NTRK2: variants seen among roughly 807,000 people sequenced by gnomAD.
NTRK2 encodes the protein BDNF/NT-3 growth factors receptor.
A neutral mutation model predicts 94.5 loss-of-function variants in NTRK2; 13 were observed. The ratio of observed to expected loss-of-function variants is 0.14; its 90% CI spans 0.09 to 0.22. NTRK2 has a LOEUF of 0.22. NTRK2 is among the 10% of genes least tolerant of loss of function. NTRK2 has a pLI of 1.00. For missense variants in NTRK2, 639 were observed against 1,071.2 expected, an observed-to-expected ratio of 0.60 and a Z score of 5.63; for synonymous variants, 372 against 407.4, an observed-to-expected ratio of 0.91 and a Z score of 1.05.
intron 12 of NTRK2, among the ~76,000 whole-genome samples, chr9:84,760,850 A>G (rs2132642480): frequency 6.6e-6 from 1 of 152,338 alleles, no homozygotes; most frequent in East Asian, 1.9e-4. Flanking sequence ...TCCCTTTTGT[A>G]CAGAAAGGAT....
At position 84,843,107 on chromosome 9, in the gene NTRK2, G is replaced by A. The variant is rs376268086; in HGVS notation, c.1397-17933G>A. On this transcript the variant is annotated intron_variant, in intron 12 of 18. Transcript: ENST00000277120. ...CATAGCATCTACTGGATGGTATTAC[G>A]GTGAGGAGCTAATAAAATGCCTCAT... is the stretch of plus-strand genomic sequence containing the variant. Among the ~76,000 whole-genome samples the A allele has an allele frequency of 1.1e-4, 16 of 152,294 alleles. No homozygotes were observed. In the South Asian group the frequency reaches 1.2e-3, roughly 12 times the overall value.
Position 85,020,298 on chromosome 9 carries a change from G to C in NTRK2, c.2265G>C (p.Leu755=), listed in dbSNP as rs2117939485. The C allele has an allele frequency of 6.2e-7, 1 of 1,614,076 alleles. No homozygotes were observed. The highest frequency in any genetic ancestry group is 1.1e-5 in the South Asian group (1 of 91,066). Reference sequence around the variant, plus strand: ...CGACGGAAAGCGACGTCTGGAGCCTGGGGGTCGTGTTGTGGGAGATTTTCA... The same window carrying C: ...CGACGGAAAGCGACGTCTGGAGCCTCGGGGTCGTGTTGTGGGAGATTTTCA... ...KFTTESDVWS[L]GVVLWEIFTY... is the part of the protein sequence containing the mutation. The change falls in exon 18 of 19, where the codon CTG becomes CTC. Residue 755 remains leucine, a synonymous_variant. Transcript: ENST00000277120.
At chr9:84,763,447 T>G (rs576030824) in intron 12 of NTRK2, among the ~76,000 whole-genome samples, 2 of 151,918 alleles carry the variant, frequency 1.3e-5, no homozygotes, top group Non-Finnish European at 2.9e-5. Context: ...TCATCATATA[T>G]GTGGATCTTG....
chr9:84,764,399 A>AT (rs137902755), intron 12 of NTRK2, among the ~76,000 whole-genome samples: 2,986 of 151,752 alleles, frequency 0.02, 91 homozygotes, highest in African/African-American at 0.068. Context: ...TATTTCATTA[A>AT]TTTTTTTTTA....
At chr9:84,783,109 G>A in intron 12 of NTRK2, among the ~76,000 whole-genome samples, 1 of 152,168 alleles carries the variant, frequency 6.6e-6, no homozygotes, top group South Asian at 2.1e-4. Context: ...CCCAGCATGA[G>A]AGACCCCTAA....
At chr9:84,761,859 A>G (rs2051128) in intron 12 of NTRK2, among the ~76,000 whole-genome samples, 105,710 of 152,026 alleles carry the variant, frequency 0.7, 37,030 homozygotes, top group East Asian at 0.73. Context: ...ATCTTGTCAG[A>G]GTGATATGGT....
chr9:84,744,983 T>C lies in NTRK2; in HGVS notation c.1206T>C (p.Thr402=). 6.2e-7 allele frequency: 1 copy of C among 1,613,406 alleles called. No individual in the cohort carries two copies. The highest frequency in any genetic ancestry group is 8.5e-7 in the Non-Finnish European group (1 of 1,179,410). The stretch of plus-strand genomic sequence containing the variant: ...CTTTGCCCACTTAAGATTATGGAAC[T>C]GCAGCGAATGACATCGGGGACACCA... ...YPDVIYEDYG[T]AANDIGDTTN... The change falls in exon 11 of 19, where the codon ACT becomes ACC. Residue 402 remains threonine, a synonymous_variant. Coordinates refer to ENST00000277120, the MANE Select transcript of NTRK2 (RefSeq NM_006180.6).
chr9:84,746,896 T>G (rs2064129834), intron 11 of NTRK2, among the ~76,000 whole-genome samples: 1 of 152,222 alleles, frequency 6.6e-6, no homozygotes, highest in Non-Finnish European at 1.5e-5. Flanking sequence ...TTCTCTTCTC[T>G]AGATTCTTTA....
intron 14 of NTRK2, among the ~76,000 whole-genome samples, chr9:84,885,987 C>T (rs562440173): frequency 3.3e-5 from 5 of 151,486 alleles, no homozygotes; most frequent in Admixed American, 6.6e-5. Flanking sequence ...GCTGAGATTG[C>T]GCCACTGCAC....
chr9:84,755,111 A>G (rs1053982394), intron 12 of NTRK2, among the ~76,000 whole-genome samples: 1 of 152,326 alleles, frequency 6.6e-6, no homozygotes, highest in Admixed American at 6.5e-5. Flanking sequence ...GGTGATTTCT[A>G]AATTCCAAAC....
At chr9:84,876,245 G>A (rs200698369) in intron 14 of NTRK2, 1 of 1,042,788 alleles carries the variant, frequency 9.6e-7, no homozygotes, top group Non-Finnish European at 1.2e-6. Context: ...GCCCTATAGT[G>A]TGCAGTTATA....
intron 6 of NTRK2, among the ~76,000 whole-genome samples, chr9:84,714,820 T>C (rs931325600): frequency 3.3e-5 from 5 of 152,072 alleles, no homozygotes; most frequent in African/African-American, 1.2e-4. Context: ...ATTTCCACAC[T>C]TTTTTTGGGG....
At chr9:84,944,207 T>TCACACACA (rs1428468670) in intron 15 of NTRK2, among the ~76,000 whole-genome samples, 1 of 139,946 alleles carries the variant, frequency 7.1e-6, no homozygotes, top group Non-Finnish European at 1.5e-5. Flanking sequence ...TCTCTCTCTC[T>TCACACACA]CTCTCTCTCA....
At chr9:84,746,531 T>G (rs1217575106) in intron 11 of NTRK2, among the ~76,000 whole-genome samples, 3 of 152,306 alleles carry the variant, frequency 2.0e-5, no homozygotes, top group Non-Finnish European at 4.4e-5. Context: ...GATCATTTTT[T>G]TTGTTGTTAT....
At chr9:84,707,935 A>T in intron 5 of NTRK2, 23 bp downstream of exon 5, 1 of 1,595,390 alleles carries the variant, frequency 6.3e-7, no homozygotes, top group Admixed American at 1.7e-5. Context: ...TTTGTGTGGC[A>T]TTTGGGGAAA....
intron 12 of NTRK2, chr9:84,813,992 A>C: frequency 9.4e-7 from 1 of 1,065,346 alleles, no homozygotes; most frequent in Non-Finnish European, 1.1e-6. Context: ...ACAAAAGTAC[A>C]AACAGTCTGA....
intron 12 of NTRK2, among the ~76,000 whole-genome samples, chr9:84,828,297 G>A (rs1462236137): frequency 6.6e-6 from 1 of 152,140 alleles, no homozygotes; most frequent in Non-Finnish European, 1.5e-5. Context: ...AGGCCCAGTT[G>A]CCATGACAAC....
chr9:84,785,604 T>A lies in NTRK2; in HGVS notation c.1396+33519T>A, dbSNP rs1275743582. ...TTACTCTTGGCTCATGCTATTGAGA[T>A]ACTTTTATGGAGGAATTAGTTTCAA... On this transcript the variant is annotated intron_variant, in intron 12 of 18. Transcript: ENST00000277120. Among the ~76,000 whole-genome samples, 8 of 152,296 alleles carry A rather than the reference T, an allele frequency of 5.3e-5. No individual in the cohort carries two copies. The East Asian group carries it at 1.5e-3, about 29-fold the overall frequency.
intron 11 of NTRK2, among the ~76,000 whole-genome samples, chr9:84,749,159 C>T (rs767334853): frequency 1.4e-4 from 22 of 151,868 alleles, no homozygotes; most frequent in Non-Finnish European, 2.6e-4. Flanking sequence ...ACCTAGGAGG[C>T]GGAGGTTGTG....
Sources: allele counts gnomAD v4.1 joint callset (sites outside exome capture counted in the v4.1 genomes callset), GRCh38; gene constraint gnomAD v4.1.1; transcripts MANE v1.5; gene names NCBI Gene and HGNC (gene_info 2026-07-23, HGNC 2026-07-21).